The following VRK2 variants were observed in gnomAD, a reference collection of about 807,000 sequenced individuals.
The protein encoded by VRK2 is serine/threonine-protein kinase VRK2.
A neutral mutation model predicts 57.6 loss-of-function variants in VRK2; 60 were observed. The observed-to-expected ratio is 1.04, with a 90% CI of 0.85 to 1.29. VRK2 has a LOEUF of 1.29. Among genes scored for constraint, VRK2 ranks in the 50% most tolerant of loss-of-function variants. The pLI is 0.00. For missense variants in VRK2, 705 were observed against 588.1 expected (o/e 1.20, Z -2.06); for synonymous variants, 231 against 199.2 (o/e 1.16, Z -1.35).
intron 1 of VRK2, among the ~76,000 whole-genome samples, chr2:57,959,857 G>A (rs780315772): frequency 6.6e-6 from 1 of 152,108 alleles, no homozygotes; most frequent in Admixed American, 6.5e-5. Flanking sequence ...TTCGGTGGAT[G>A]TGTTCCTCAT....
At chr2:58,021,783 G>T (rs767052152) in intron 1 of VRK2, among the ~76,000 whole-genome samples, 1 of 152,030 alleles carries the variant, frequency 6.6e-6, no homozygotes, top group African/African-American at 2.4e-5. Flanking sequence ...ATTGGCTACC[G>T]AAACCTACAT....
intron 1 of VRK2, among the ~76,000 whole-genome samples, chr2:57,947,357 A>T (rs1046721176): frequency 3.3e-5 from 5 of 152,178 alleles, no homozygotes. Context: ...ATATTTTTTT[A>T]AATTTACACA....
chr2:58,154,825 G>A (rs1683552749), intron 12 of VRK2: 2 of 714,484 alleles, frequency 2.8e-6, no homozygotes, highest in Admixed American at 2.0e-5. Context: ...TGCTATAAGT[G>A]TCCTGCTAAA....
chr2:57,920,061 T>C (rs1670290141), intron 1 of VRK2, among the ~76,000 whole-genome samples: 1 of 152,142 alleles, frequency 6.6e-6, no homozygotes, highest in Non-Finnish European at 1.5e-5. Flanking sequence ...ATTTTTGGTG[T>C]TGAGAATCTA....
rs144116990 is a variant in VRK2 at position 58,080,784 on chromosome 2, C to A, written c.137-3305C>A. ...TAAATACATTTATATTTTTAGCAGTCTGACAGTTTATTTCTTCAGCTGGTG... is the reference window on the plus strand; with the variant it reads ...TAAATACATTTATATTTTTAGCAGTATGACAGTTTATTTCTTCAGCTGGTG... On this transcript the variant is annotated intron_variant, in intron 2 of 12. Coordinates refer to ENST00000340157, the MANE Select transcript of VRK2 (RefSeq NM_006296.7). Among the ~76,000 whole-genome samples the A allele has an allele frequency of 4.9e-3, 738 of 151,874 alleles. 4 individuals carry two copies. Among genetic ancestry groups the A allele is most frequent in the Non-Finnish European group, 5.5e-3 (374 of 67,844 alleles).
intron 2 of VRK2, among the ~76,000 whole-genome samples, chr2:58,074,134 TGATA>T (rs546157859): frequency 1.4e-4 from 22 of 152,300 alleles, no homozygotes; most frequent in African/African-American, 3.1e-4. Flanking sequence ...TGTGTTAGCA[TGATA>T]GATCTTTCTT....
intron 2 of VRK2, among the ~76,000 whole-genome samples, chr2:58,083,258 T>C (rs1326658199): frequency 2.6e-5 from 4 of 151,824 alleles, no homozygotes. Context: ...AAGGAATGAA[T>C]GGATGGAGAG....
In VRK2 at chr2:57,977,878, T is replaced by C. The variant is rs560861370; in HGVS notation, c.-438-47787T>C. ...TTTGTCAGAGATGGCTCTTATCATT[T>C]TGAGTCATGTCCCTTCAATGACTAG... On this transcript the variant is annotated intron_variant, in intron 1 of 15. Coordinates refer to the VRK2 transcript ENST00000417641. 5.3e-4 allele frequency among the ~76,000 whole-genome samples: 80 copies of C among 151,218 alleles called. 5 individuals are homozygous for C. Among genetic ancestry groups the C allele is most frequent in the African/African-American group, 1.7e-3 (70 of 40,578 alleles).
At chr2:58,069,705 G>T (rs1250403751) in intron 2 of VRK2, among the ~76,000 whole-genome samples, 1 of 152,118 alleles carries the variant, frequency 6.6e-6, no homozygotes, top group Non-Finnish European at 1.5e-5. Context: ...TTGTTTGGGT[G>T]CTGGGATGGG....
In VRK2 at chr2:57,994,751, G is replaced by GA. The variant is rs57690086; in HGVS notation, c.-438-30905dup. Among the ~76,000 whole-genome samples, 540 of 147,208 alleles carry GA rather than the reference G, an allele frequency of 3.7e-3. 1 individual carries two copies. Among genetic ancestry groups the GA allele is most frequent in the Middle Eastern group, 0.01 (3 of 286 alleles). ...ATTTGCTATTTTACAAATTAAACCT[G>GA]AAAAAAAAACATTTTTTAGTTCACT... On this transcript the variant is annotated intron_variant, in intron 1 of 15. Coordinates refer to the VRK2 transcript ENST00000417641.
intron 7 of VRK2, among the ~76,000 whole-genome samples, chr2:58,098,022 A>G (rs1431891204): frequency 6.6e-6 from 1 of 151,972 alleles, no homozygotes; most frequent in South Asian, 2.1e-4. Flanking sequence ...TTCCAGGGGG[A>G]TGAGATGTGG....
Position 57,990,421 on chromosome 2 carries a change from T to G in VRK2, c.-438-35244T>G, listed in dbSNP as rs150606830. 2.6e-3 allele frequency among the ~76,000 whole-genome samples: 393 copies of G among 152,302 alleles called. 1 individual carries two copies. Among genetic ancestry groups the G allele is most frequent in the African/African-American group, 9.1e-3 (379 of 41,562 alleles). On this transcript the variant is annotated intron_variant, in intron 1 of 15. Transcript: ENST00000417641. ...TGTACTGAAAATGAGTATGTCATAC[T>G]GAGCTGAAAGAAAAGAATTATTCAG...
chr2:58,138,352 G>T (rs1045903026), intron 10 of VRK2, among the ~76,000 whole-genome samples: 2 of 152,038 alleles, frequency 1.3e-5, no homozygotes, highest in Non-Finnish European at 2.9e-5. Flanking sequence ...CAGAGATCTG[G>T]TTGACCGAAT....
chr2:57,973,619 A>AG (rs1199226880), intron 1 of VRK2, among the ~76,000 whole-genome samples: 2 of 151,892 alleles, frequency 1.3e-5, no homozygotes, highest in Non-Finnish European at 2.9e-5. Context: ...CAGCACTGTC[A>AG]AACTATGAAG....
intron 2 of VRK2, among the ~76,000 whole-genome samples, chr2:58,029,025 A>T (rs1674033845): frequency 6.7e-6 from 1 of 148,958 alleles, no homozygotes; most frequent in East Asian, 2.0e-4. Context: ...GTTATATTAA[A>T]ACACTTAACA....
At chr2:58,031,825 T>G (rs1674119329) in intron 2 of VRK2, among the ~76,000 whole-genome samples, 1 of 152,056 alleles carries the variant, frequency 6.6e-6, no homozygotes, top group African/African-American at 2.4e-5. Flanking sequence ...ATTTACACAT[T>G]CACTCATACA....
intron 1 of VRK2, among the ~76,000 whole-genome samples, chr2:57,966,322 C>T (rs754456963): frequency 8.5e-5 from 13 of 152,100 alleles, no homozygotes; most frequent in South Asian, 6.2e-4. Flanking sequence ...AGTAGTCACA[C>T]TGTGGTCACT....
rs188983260 is a variant in VRK2, at chr2:58,038,833, T to C, written c.-6+5280T>C. 3.9e-5 allele frequency among the ~76,000 whole-genome samples: 6 copies of C among 152,258 alleles called. No individual in the cohort carries two copies. In the East Asian group the frequency reaches 1.2e-3, roughly 29 times the overall value. Reference sequence around the variant, plus strand: ...GTTAATCTGTCTTTTGTCAATTTAATATGCAAGCCTCAACCACACAACCTC... The same window carrying C: ...GTTAATCTGTCTTTTGTCAATTTAACATGCAAGCCTCAACCACACAACCTC... On this transcript the variant is annotated intron_variant, in intron 3 of 15. Transcript: ENST00000417641.
At chr2:57,976,102 T>C (rs1462216831) in intron 1 of VRK2, among the ~76,000 whole-genome samples, 1 of 152,172 alleles carries the variant, frequency 6.6e-6, no homozygotes, top group Non-Finnish European at 1.5e-5. Context: ...TATTTCATTC[T>C]TTCGTGGCTG....
Sources: gnomAD v4.1 joint callset for allele counts (sites outside exome capture counted in the v4.1 genomes callset) on GRCh38, gnomAD v4.1.1 for gene constraint, MANE v1.5 for transcripts, NCBI Gene and HGNC (gene_info 2026-07-23, HGNC 2026-07-21) for gene names.